WASF1: variants seen among roughly 807,000 people sequenced by gnomAD.
WASF1 encodes the protein actin-binding protein WASF1.
In WASF1, 7 loss-of-function variants were observed where a neutral mutation model predicts 50.5. The ratio of observed to expected loss-of-function variants is 0.14; its 90% CI spans 0.08 to 0.26. WASF1 has a LOEUF of 0.26. Among genes scored for constraint, WASF1 ranks in the 10% least tolerant of loss-of-function variants. The probability of loss-of-function intolerance (pLI) is 1.00; values close to 1 mark genes in which losing one functional copy is unlikely to be tolerated. For synonymous variants in WASF1, 205 were observed against 244.0 expected (o/e 0.84, Z 1.49); for missense variants, 470 against 694.7 (o/e 0.68, Z 3.64).
chr6:110,105,367 A>G lies in WASF1; in HGVS notation c.713+40T>C, dbSNP rs147560362. The stretch of plus-strand genomic sequence containing the variant: ...AGTACAGATACTACAAATAAAGCCA[A>G]TGTTTTATCATTTAAAAAAAAAAAC... On this transcript the variant is annotated intron_variant, in intron 8 of 10. Coordinates refer to ENST00000392589, the MANE Select transcript of WASF1 (RefSeq NM_003931.3). The G allele has an allele frequency of 8.5e-4, 1,330 of 1,556,984 alleles. 7 individuals are homozygous for G. Among genetic ancestry groups the G allele is most frequent in the Middle Eastern group, 4.5e-3 (26 of 5,768 alleles).
chr6:110,143,990 A>G (rs938077877), intron 3 of WASF1, among the ~76,000 whole-genome samples: 9 of 152,164 alleles, frequency 5.9e-5, no homozygotes, highest in East Asian at 1.9e-4. Context: ...TAATGGGATG[A>G]CTGGGTCAAA....
intron 4 of WASF1, among the ~76,000 whole-genome samples, chr6:110,122,490 G>A (rs1268110660): frequency 6.6e-6 from 1 of 152,056 alleles, no homozygotes; most frequent in Non-Finnish European, 1.5e-5. Context: ...ACACCAGTGT[G>A]CCCACCTCTA....
chr6:110,112,778 T>C (rs1196853851), intron 5 of WASF1, among the ~76,000 whole-genome samples: 2 of 151,390 alleles, frequency 1.3e-5, no homozygotes, highest in African/African-American at 2.4e-5. Context: ...CAGACACCTG[T>C]AATCCCAGCT....
At chr6:110,138,783 T>C (rs1419357161) in intron 3 of WASF1, among the ~76,000 whole-genome samples, 3 of 152,148 alleles carry the variant, frequency 2.0e-5, no homozygotes, top group Admixed American at 6.5e-5. Context: ...AGCATGCTGA[T>C]TGGTCCATAG....
rs201880867 is a variant in WASF1 at position 110,113,336 on chromosome 6, C to T, written c.258G>A (p.Lys86=). Residue 86 remains lysine (K), a synonymous_variant, in exon 5 of 11, where the codon AAG becomes AAA. Transcript: ENST00000392589. ...TATTAATAAGCTTACATTCTTCTTC[C>T]TTTGGATCAAGCTGTGTAACACTAA... ...LSVSVTQLDP[K]EEELSLQDIT... 2 of 1,561,784 alleles carry T rather than the reference C, an allele frequency of 1.3e-6. No homozygotes were observed. Among genetic ancestry groups the T allele is most frequent in the East Asian group, 2.3e-5 (1 of 43,132 alleles).
intron 10 of WASF1, 30 bp downstream of exon 10, chr6:110,101,558 C>G (rs757970983): frequency 1.3e-6 from 2 of 1,579,058 alleles, no homozygotes; most frequent in South Asian, 2.4e-5. Flanking sequence ...GCTACTATAG[C>G]AATGCTTTTC....
chr6:110,102,637 TA>T (rs1773146197), intron 9 of WASF1, among the ~76,000 whole-genome samples: 1 of 152,178 alleles, frequency 6.6e-6, no homozygotes, highest in Admixed American at 6.5e-5. Flanking sequence ...CATCATATGC[TA>T]TTTCAGTTAA....
At chr6:110,135,055 T>C (rs1171695830) in intron 3 of WASF1, among the ~76,000 whole-genome samples, 1 of 152,222 alleles carries the variant, frequency 6.6e-6, no homozygotes, top group Non-Finnish European at 1.5e-5. Context: ...AGCAGTGTTT[T>C]GTAGTTTTCC....
At chr6:110,110,999 T>C (rs541618744) in intron 5 of WASF1, among the ~76,000 whole-genome samples, 4 of 152,290 alleles carry the variant, frequency 2.6e-5, no homozygotes, top group East Asian at 1.9e-4. Flanking sequence ...AGTATAGCTG[T>C]TGACATATTA....
intron 6 of WASF1, among the ~76,000 whole-genome samples, chr6:110,107,497 A>G (rs764989223): frequency 7.9e-5 from 12 of 152,220 alleles, no homozygotes; most frequent in Non-Finnish European, 1.5e-4. Flanking sequence ...GGCAATTCCA[A>G]TAATTACAAA....
intron 5 of WASF1, among the ~76,000 whole-genome samples, chr6:110,113,003 A>G (rs554299824): frequency 5.9e-5 from 9 of 152,254 alleles, no homozygotes; most frequent in African/African-American, 2.2e-4. Context: ...AAGTATACAA[A>G]TAAATTATAA....
At chr6:110,144,555 T>C (rs1775442249) in intron 3 of WASF1, among the ~76,000 whole-genome samples, 1 of 152,204 alleles carries the variant, frequency 6.6e-6, no homozygotes, top group African/African-American at 2.4e-5. Context: ...ATGTCCTGAA[T>C]GGATATGCCT....
chr6:110,131,762 C>T (rs546978077), intron 3 of WASF1, among the ~76,000 whole-genome samples: 19 of 152,266 alleles, frequency 1.2e-4, no homozygotes, highest in Admixed American at 1.0e-3. Context: ...CTCAGCCTCC[C>T]AAAGTGCTAG....
chr6:110,150,852 A>G (rs1562183569), intron 3 of WASF1, among the ~76,000 whole-genome samples: 1 of 152,078 alleles, frequency 6.6e-6, no homozygotes, highest in Non-Finnish European at 1.5e-5. Flanking sequence ...CCTGGCTAAC[A>G]TGGTAAAACC....
intron 4 of WASF1, among the ~76,000 whole-genome samples, chr6:110,124,274 C>CTCTATA (rs1331534646): frequency 1.2e-3 from 24 of 20,498 alleles, no homozygotes; most frequent in Non-Finnish European, 1.4e-3. Flanking sequence ...CTCTCTCTCT[C>CTCTATA]TATATATATA....
intron 7 of WASF1, 44 bp from the exon 8 acceptor site, chr6:110,105,623 ATTTTT>A: frequency 6.3e-7 from 1 of 1,581,854 alleles, no homozygotes; most frequent in Admixed American, 1.7e-5. Context: ...TTAAGCGCTA[ATTTTT>A]AAAAAGGAGG....
At chr6:110,102,539 A>G (rs1393387322) in intron 9 of WASF1, among the ~76,000 whole-genome samples, 1 of 152,206 alleles carries the variant, frequency 6.6e-6, no homozygotes, top group Non-Finnish European at 1.5e-5. Context: ...AGGAGTCTCT[A>G]TAATGACTCA....
At chr6:110,172,052 T>C (rs1414025975) in intron 2 of WASF1, among the ~76,000 whole-genome samples, 2 of 152,164 alleles carry the variant, frequency 1.3e-5, no homozygotes, top group African/African-American at 2.4e-5. Context: ...GGAGAGAATG[T>C]GGAGAAATAG....
chr6:110,145,882 CA>C (rs1237777476), intron 3 of WASF1, among the ~76,000 whole-genome samples: 1 of 146,548 alleles, frequency 6.8e-6, no homozygotes, highest in East Asian at 2.0e-4. Flanking sequence ...ATAACAAGGA[CA>C]AAAAAACCAA....
Sources: allele counts gnomAD v4.1 joint callset (sites outside exome capture counted in the v4.1 genomes callset), GRCh38; gene constraint gnomAD v4.1.1; transcripts MANE v1.5; gene names NCBI Gene and HGNC (gene_info 2026-07-23, HGNC 2026-07-21).